CLASP1: variants seen among roughly 807,000 people sequenced by gnomAD.
The protein encoded by CLASP1 is CLIP-associating protein 1.
A neutral mutation model predicts 192.3 loss-of-function variants in CLASP1; 38 were observed. The ratio of observed to expected loss-of-function variants is 0.20; its 90% CI spans 0.15 to 0.26. The LOEUF (loss-of-function observed/expected upper bound fraction) is 0.26. Among genes scored for constraint, CLASP1 ranks in the 10% least tolerant of loss-of-function variants. The pLI is 1.00. For missense variants in CLASP1, 1,433 were observed against 1,932.5 expected (o/e 0.74, Z 4.85); for synonymous variants, 691 against 712.8 (o/e 0.97, Z 0.49).
At chr2:121,599,011 C>T (rs761875255) in intron 2 of CLASP1, among the ~76,000 whole-genome samples, 66 of 152,068 alleles carry the variant, frequency 4.3e-4, no homozygotes, top group Non-Finnish European at 9.1e-4. Flanking sequence ...ACTATACGTG[C>T]GTGCCACCAC....
exon 36 of CLASP1, chr2:121,365,152 C>G: frequency 6.2e-7 from 1 of 1,613,948 alleles, no homozygotes; most frequent in Non-Finnish European, 8.5e-7. Flanking sequence ...GTGCTCCTCC[C>G]AGACACCAAG....
At chr2:121,507,053 T>C (rs1179619530) in intron 7 of CLASP1, among the ~76,000 whole-genome samples, 1 of 152,118 alleles carries the variant, frequency 6.6e-6, no homozygotes, top group Non-Finnish European at 1.5e-5. Context: ...CAAGAAAATA[T>C]GGCCCATACA....
chr2:121,609,981 T>G lies in CLASP1; in HGVS notation c.-285-3801A>C, dbSNP rs190801842. On this transcript the variant is annotated intron_variant, in intron 1 of 39. Coordinates refer to ENST00000263710, the Ensembl canonical transcript of CLASP1. ...AATTAAGCAAGTAATGTCACCAGTT[T>G]CCCATGTATCTTTTCAGAAATATTT... Among the ~76,000 whole-genome samples the G allele has an allele frequency of 9.8e-3, 1,488 of 151,956 alleles. 32 individuals are homozygous for G. The highest frequency in any genetic ancestry group is 0.039 in the Admixed American group (598 of 15,266).
At chr2:121,415,299 A>G (rs2078386036) in intron 23 of CLASP1, among the ~76,000 whole-genome samples, 1 of 152,188 alleles carries the variant, frequency 6.6e-6, no homozygotes, top group Admixed American at 6.5e-5. Context: ...GGTGCTAATA[A>G]TGGTTAATGG....
At chr2:121,346,557 G>C (rs1372327808) in intron 39 of CLASP1, among the ~76,000 whole-genome samples, 2 of 152,244 alleles carry the variant, frequency 1.3e-5, no homozygotes, top group Non-Finnish European at 2.9e-5. Context: ...GGCACGTTAA[G>C]GGGGATGACC....
rs151046580 is a variant in CLASP1, at chr2:121,400,540, A to C, written c.2900+969T>G. Among the ~76,000 whole-genome samples, 1,452 of 152,324 alleles carry C rather than the reference A, an allele frequency of 9.5e-3. 11 individuals are homozygous for C. The highest frequency in any genetic ancestry group is 0.015 in the Non-Finnish European group (1,036 of 68,026). ...CATACCACCCCCCTGCCCCCACAGG[A>C]GGTGAGGACACACACCCACAAGATA... is the stretch of plus-strand genomic sequence containing the variant. On this transcript the variant is annotated intron_variant, in intron 28 of 39. Transcript: ENST00000263710.
At chr2:121,399,119 C>A (rs2075767766) in intron 28 of CLASP1, among the ~76,000 whole-genome samples, 1 of 152,214 alleles carries the variant, frequency 6.6e-6, no homozygotes, top group African/African-American at 2.4e-5. Context: ...TCTTTGGACT[C>A]TCTTAGAGAT....
chr2:121,477,365 A>C (rs2091761416), intron 8 of CLASP1, among the ~76,000 whole-genome samples: 1 of 152,242 alleles, frequency 6.6e-6, no homozygotes, highest in Non-Finnish European at 1.5e-5. Flanking sequence ...GGCTATGAAA[A>C]TAACTGAAGA....
intron 37 of CLASP1, among the ~76,000 whole-genome samples, chr2:121,351,869 T>C (rs1294473929): frequency 1.3e-5 from 2 of 152,248 alleles, no homozygotes; most frequent in South Asian, 2.1e-4. Flanking sequence ...TTAAAAGTCA[T>C]GTCCAACTCT....
intron 19 of CLASP1, 84 bp downstream of exon 19, chr2:121,447,253 C>A: frequency 8.0e-7 from 1 of 1,257,134 alleles, no homozygotes; most frequent in South Asian, 1.5e-5. Context: ...TTGCCTCAAT[C>A]ATGGGTTTGT....
chr2:121,540,800 C>G (rs1355705256), intron 2 of CLASP1, among the ~76,000 whole-genome samples: 1 of 148,230 alleles, frequency 6.7e-6, no homozygotes, highest in South Asian at 2.1e-4. Context: ...AAAAAAAAAG[C>G]AAACATAAAC....
intron 2 of CLASP1, among the ~76,000 whole-genome samples, chr2:121,573,115 A>T (rs1000170084): frequency 5.3e-5 from 8 of 152,104 alleles, no homozygotes; most frequent in African/African-American, 1.9e-4. Flanking sequence ...GCCTGCCACC[A>T]CGCCCAGCTA....
At chr2:121,530,965 TCAA>T in intron 2 of CLASP1, 1 of 700,432 alleles carries the variant, frequency 1.4e-6, no homozygotes, top group Non-Finnish European at 2.6e-6. Flanking sequence ...CACACCCGCA[TCAA>T]CTAGAGCTTT....
At chr2:121,464,532 G>GC (rs747997940) in intron 9 of CLASP1, among the ~76,000 whole-genome samples, 37 of 151,968 alleles carry the variant, frequency 2.4e-4, no homozygotes, top group South Asian at 1.1e-3. Context: ...TTTAATGATT[G>GC]CCATCCTAAC....
chr2:121,511,693 A>G lies in CLASP1; in HGVS notation c.644+3972T>C, dbSNP rs188549128. Reference sequence around the variant, plus strand: ...AAATTTTTAAATAGCAATACCTGCCAATTATTAGGAGAACAGTAAATAACA... The same window carrying G: ...AAATTTTTAAATAGCAATACCTGCCGATTATTAGGAGAACAGTAAATAACA... On this transcript the variant is annotated intron_variant, in intron 7 of 39. Transcript: ENST00000263710. Among the ~76,000 whole-genome samples, 315 of 152,310 alleles carry G rather than the reference A, an allele frequency of 2.1e-3. 1 individual carries two copies. The highest frequency in any genetic ancestry group is 7.1e-3 in the African/African-American group (296 of 41,560).
intron 24 of CLASP1, among the ~76,000 whole-genome samples, chr2:121,408,542 C>A (rs372121526): frequency 6.6e-6 from 1 of 152,196 alleles, no homozygotes; most frequent in African/African-American, 2.4e-5. Flanking sequence ...AAATATACTT[C>A]TTTAATAATA....
chr2:121,348,554 T>C, exon 38 of CLASP1: 1 of 1,613,194 alleles, frequency 6.2e-7, no homozygotes, highest in Non-Finnish European at 8.5e-7. Flanking sequence ...GCTGCAGCAA[T>C]GACTCCTTTG....
At chr2:121,402,539 G>A (rs1391840741) in intron 26 of CLASP1, 2 of 510,354 alleles carry the variant, frequency 3.9e-6, no homozygotes, top group Non-Finnish European at 7.8e-6. Flanking sequence ...TGGGATTCCT[G>A]GCTTCACTTA....
At chr2:121,593,734 G>C (rs1436176061) in intron 2 of CLASP1, among the ~76,000 whole-genome samples, 1 of 151,584 alleles carries the variant, frequency 6.6e-6, no homozygotes. Context: ...TTTTCGGCCA[G>C]GCGCAGTGGC....
Sources: allele counts gnomAD v4.1 joint callset (sites outside exome capture counted in the v4.1 genomes callset), GRCh38; gene constraint gnomAD v4.1.1; transcripts MANE v1.5; gene names NCBI Gene and HGNC (gene_info 2026-07-23, HGNC 2026-07-21).